Variants in CREM observed in about 807,000 individuals in gnomAD.
CREM encodes cAMP responsive element modulator.
In CREM, 13 loss-of-function variants were observed where a neutral mutation model predicts 37.3. The observed-to-expected ratio is 0.35, with a 90% CI of 0.23 to 0.55. The LOEUF is 0.55. CREM is among the 20% of genes least tolerant of loss of function. CREM has a pLI of 0.88. For missense variants in CREM, 296 were observed against 362.3 expected (o/e 0.82, Z 1.49); for synonymous variants, 124 against 120.2 (o/e 1.03, Z -0.21).
chr10:35,210,528 A>G (rs1338083322), intron 7 of CREM: 1 of 152,238 alleles, frequency 6.6e-6, no homozygotes, highest in Non-Finnish European at 1.5e-5. Context: ...AAATATGCCC[A>G]GAGTTACTCA....
At chr10:35,185,403 C>T (rs1356749125) in intron 5 of CREM, among the ~76,000 whole-genome samples, 1 of 152,138 alleles carries the variant, frequency 6.6e-6, no homozygotes, top group Non-Finnish European at 1.5e-5. Flanking sequence ...CGCGCCCGGC[C>T]TAGGCTTTGT....
intron 6 of CREM, among the ~76,000 whole-genome samples, chr10:35,204,939 T>C (rs1233446348): frequency 6.6e-6 from 1 of 152,242 alleles, no homozygotes; most frequent in Non-Finnish European, 1.5e-5. Context: ...TTGGGTATAA[T>C]ACATTTTCAT....
At chr10:35,188,061 C>G (rs1186114950) in intron 5 of CREM, 139 bp from the exon 6 acceptor site, 16 of 793,628 alleles carry the variant, frequency 2.0e-5, no homozygotes, top group Non-Finnish European at 3.9e-6. Flanking sequence ...GATCTTCCTT[C>G]TCAATTCAGC....
At chr10:35,169,538 A>C (rs2093702724) in intron 3 of CREM, among the ~76,000 whole-genome samples, 1 of 152,240 alleles carries the variant, frequency 6.6e-6, no homozygotes, top group African/African-American at 2.4e-5. Context: ...TGTCATCTGC[A>C]AACAGGGACA....
intron 3 of CREM, among the ~76,000 whole-genome samples, chr10:35,166,732 C>T (rs558863518): frequency 1.3e-4 from 20 of 152,082 alleles, no homozygotes; most frequent in Admixed American, 2.6e-4. Flanking sequence ...CTGTCTCCAA[C>T]TCAAAACAAA....
intron 3 of CREM, among the ~76,000 whole-genome samples, chr10:35,163,871 A>T (rs1400149183): frequency 6.6e-6 from 1 of 151,734 alleles, no homozygotes; most frequent in East Asian, 1.9e-4. Context: ...GTGTGGTGAC[A>T]TGTGCTTGTA....
In CREM at chr10:35,211,491, T is replaced by G; in HGVS notation, c.*93T>G. The G allele has an allele frequency of 1.3e-6, 2 of 1,524,910 alleles. No individual in the cohort carries two copies. The highest frequency in any genetic ancestry group is 1.3e-5 in the South Asian group (1 of 78,618). 94.5% of individuals were successfully genotyped at this position (1,524,910 alleles called of 1,614,324 possible). On this transcript the variant is annotated 3_prime_UTR_variant, in exon 8 of 8. Transcript: ENST00000685392. ...TGTGGACTTGTGGGAAGGACACGTG[T>G]GACCCTTAAGAATCCAGTTTGGATT...
At chr10:35,132,997 CAG>C (rs1229943742) in intron 1 of CREM, among the ~76,000 whole-genome samples, 4 of 152,212 alleles carry the variant, frequency 2.6e-5, no homozygotes, top group Admixed American at 2.0e-4. Context: ...ACCAAATAAA[CAG>C]ATTGTATTTC....
At chr10:35,195,012 T>TA in intron 6 of CREM, 1 of 497,512 alleles carries the variant, frequency 2.0e-6, no homozygotes, top group South Asian at 3.5e-5. Flanking sequence ...AGAGTTTTTA[T>TA]AGGGCTTGGG....
At chr10:35,134,008 A>G (rs2089954001) in intron 1 of CREM, among the ~76,000 whole-genome samples, 1 of 152,082 alleles carries the variant, frequency 6.6e-6, no homozygotes, top group Non-Finnish European at 1.5e-5. Context: ...TTTTCCAGAA[A>G]AGTTACATTA....
At chr10:35,174,812 C>T (rs917934245) in intron 3 of CREM, among the ~76,000 whole-genome samples, 6 of 152,158 alleles carry the variant, frequency 3.9e-5, no homozygotes, top group East Asian at 1.9e-4. Context: ...TGGTTAGTAT[C>T]GTGTTTTTCT....
Position 35,148,395 on chromosome 10 carries a change from C to G in CREM, c.72C>G (p.Ser24=). 1 of 1,611,832 alleles carries G rather than the reference C, an allele frequency of 6.2e-7. No homozygotes were observed. The highest frequency in any genetic ancestry group is 1.1e-5 in the South Asian group (1 of 90,696). ...PRQMTMETVE[S]QHDGSITASL... ...AAATGACCATGGAAACAGTTGAATC[C>G]CAGCATGATGGAAGTATAACAGCTT... The change falls in exon 3 of 8, where the codon TCC becomes TCG. Residue 24 remains serine, a synonymous_variant. Transcript: ENST00000685392.
At chr10:35,169,709 G>A (rs1013282934) in intron 3 of CREM, among the ~76,000 whole-genome samples, 1 of 152,224 alleles carries the variant, frequency 6.6e-6, no homozygotes, top group African/African-American at 2.4e-5. Context: ...TGCCCATTCA[G>A]TATGATATTG....
At chr10:35,143,345 A>C (rs1235273678) in intron 2 of CREM, among the ~76,000 whole-genome samples, 1 of 152,212 alleles carries the variant, frequency 6.6e-6, no homozygotes, top group Non-Finnish European at 1.5e-5. Flanking sequence ...GCAGATGGGC[A>C]GAGAGAAAGT....
chr10:35,128,457 A>G (rs1414827624), intron 1 of CREM, among the ~76,000 whole-genome samples: 2 of 152,078 alleles, frequency 1.3e-5, no homozygotes, highest in Non-Finnish European at 2.9e-5. Context: ...GATTACATGA[A>G]TAAACCACGC....
chr10:35,132,966 A>G (rs954177917), intron 1 of CREM, among the ~76,000 whole-genome samples: 1 of 152,244 alleles, frequency 6.6e-6, no homozygotes, highest in Non-Finnish European at 1.5e-5. Flanking sequence ...GCAAAGAACT[A>G]AAACCTTGCT....
chr10:35,201,531 C>T lies in CREM; in HGVS notation c.599-5364C>T, dbSNP rs539603908. The T allele has an allele frequency of 1.4e-5, 21 of 1,551,088 alleles. No homozygotes were observed. In the Admixed American group the frequency reaches 4.1e-4, roughly 30 times the overall value. The stretch of plus-strand genomic sequence containing the variant: ...TAGAACCCAGACTCCAAACCCCATG[C>T]TTTTTCTGCTGTACCGTGTTTAAAG... On this transcript the variant is annotated intron_variant, in intron 6 of 7. Transcript: ENST00000685392.
chr10:35,128,491 G>A (rs894613132), intron 1 of CREM, among the ~76,000 whole-genome samples: 5 of 147,258 alleles, frequency 3.4e-5, no homozygotes, highest in Admixed American at 3.4e-4. Context: ...TTGTTTTTTT[G>A]TTTTTTGCTT....
intron 6 of CREM, chr10:35,201,625 T>A: frequency 8.8e-7 from 1 of 1,134,154 alleles, no homozygotes; most frequent in Non-Finnish European, 1.2e-6. Flanking sequence ...TCCCATGAAA[T>A]ATTTGATACT....
Sources: gnomAD v4.1 joint callset for allele counts (sites outside exome capture counted in the v4.1 genomes callset) on GRCh38, gnomAD v4.1.1 for gene constraint, MANE v1.5 for transcripts, NCBI Gene and HGNC (gene_info 2026-07-23, HGNC 2026-07-21) for gene names.